Variants in HIPK2 observed in about 807,000 individuals in gnomAD.
HIPK2 encodes the protein homeodomain interacting protein kinase 2.
Under a neutral mutation model 113.7 loss-of-function variants are expected in HIPK2, and 27 were observed. That is an observed-to-expected ratio of 0.24 (90% CI 0.17 to 0.33). The LOEUF (loss-of-function observed/expected upper bound fraction) is 0.33. HIPK2 is among the 10% of genes least tolerant of loss of function. The pLI is 1.00. For synonymous variants in HIPK2, 631 were observed against 642.2 expected, an observed-to-expected ratio of 0.98 and a Z score of 0.26; for missense variants, 1,257 against 1,588.0, an observed-to-expected ratio of 0.79 and a Z score of 3.54.
intron 14 of HIPK2, among the ~76,000 whole-genome samples, chr7:139,573,959 T>C (rs928172077): frequency 1.3e-4 from 19 of 151,992 alleles, no homozygotes; most frequent in African/African-American, 4.4e-4. Context: ...GGAGAACATA[T>C]TTCTCCCAAG....
chr7:139,565,818 C>T lies in HIPK2; in HGVS notation c.*7109G>A, dbSNP rs1014169256. 4.6e-5 allele frequency: 7 copies of T among 151,318 alleles called. No individual in the cohort carries two copies. The highest frequency in any genetic ancestry group is 1.0e-4 in the Non-Finnish European group (7 of 67,938). The allele number at this position is 151,318 out of a possible 1,614,324, so 9.4% of individuals were successfully genotyped here. A position where few individuals can be genotyped will look rare whatever the true frequency, so the allele number is the denominator to read the frequency against. On this transcript the variant is annotated 3_prime_UTR_variant, in exon 15 of 15. Transcript: ENST00000406875. ...TGTGAACCCTGCCTCTGGTTCTGCC[C>T]AGAGCTGAAGAGTGAATCTATTACA...
rs549819176 is a variant in HIPK2 at position 139,587,255 on chromosome 7, C to G, written c.2718-3191G>C. ...CTGTAATCCCAGCACTTTGGGAGGC[C>G]GAGGTGGGTGGATCACCTGAGGTCA... On this transcript the variant is annotated intron_variant, in intron 12 of 14. Transcript: ENST00000406875. Among the ~76,000 whole-genome samples, 18 of 151,614 alleles carry G rather than the reference C, an allele frequency of 1.2e-4. No individual in the cohort carries two copies. In the South Asian group the frequency reaches 1.9e-3, roughly 16 times the overall value.
chr7:139,775,526 G>A (rs1033020690), intron 1 of HIPK2, among the ~76,000 whole-genome samples: 1 of 152,116 alleles, frequency 6.6e-6, no homozygotes, highest in African/African-American at 2.4e-5. Flanking sequence ...CGGAATAAAA[G>A]GGTGCACAGC....
At chr7:139,756,249 C>T (rs1569485125) in intron 1 of HIPK2, among the ~76,000 whole-genome samples, 2 of 152,218 alleles carry the variant, frequency 1.3e-5, no homozygotes, top group Non-Finnish European at 2.9e-5. Flanking sequence ...CACACACGAT[C>T]TGATTTAATT....
At chr7:139,576,267 T>TG (rs903720934) in intron 13 of HIPK2, among the ~76,000 whole-genome samples, 1 of 151,580 alleles carries the variant, frequency 6.6e-6, no homozygotes, top group African/African-American at 2.4e-5. Flanking sequence ...GGCTGAAGAG[T>TG]GGAAAAAACA....
At position 139,714,619 on chromosome 7, in the gene HIPK2, C is replaced by G. The variant is rs1795165624; in HGVS notation, c.1103+1313G>C. Among the ~76,000 whole-genome samples, 1 of 152,222 alleles carries G rather than the reference C, an allele frequency of 6.6e-6. No individual in the cohort carries two copies. The highest frequency in any genetic ancestry group is 6.5e-5 in the Admixed American group (1 of 15,292). Reference sequence around the variant, plus strand: ...CCTTGAAAGGCGCATGGAGAAAGCACACGGGCAAGCGAGCGTGCTTGCTTG... The same window carrying G: ...CCTTGAAAGGCGCATGGAGAAAGCAGACGGGCAAGCGAGCGTGCTTGCTTG... On this transcript the variant is annotated intron_variant, in intron 2 of 14. Coordinates refer to ENST00000406875, the MANE Select transcript of HIPK2 (RefSeq NM_022740.5). This position sits in a 1 kb window ranked among gnomAD's most constrained non-coding sequence, Gnocchi z 4.2.
In HIPK2 at chr7:139,626,836, C is replaced by G; in HGVS notation, c.1435-51G>C. 17 of 1,598,194 alleles carry G rather than the reference C, an allele frequency of 1.1e-5. No homozygotes were observed. In the South Asian group the frequency reaches 1.9e-4, roughly 18 times the overall value. ...CAAGGAAGACCCCAGCGTGCCTCCC[C>G]TCTCCTGGCTCCCCTTATTTTTTGC... On this transcript the variant is annotated intron_variant, in intron 5 of 14. Coordinates refer to ENST00000406875, the MANE Select transcript of HIPK2 (RefSeq NM_022740.5).
rs1247143439 is a variant in HIPK2 at position 139,570,523 on chromosome 7, T to A, written c.*2404A>T. 1 of 152,262 alleles carries A rather than the reference T, an allele frequency of 6.6e-6. No individual in the cohort carries two copies. Among genetic ancestry groups the A allele is most frequent in the Non-Finnish European group, 1.5e-5 (1 of 68,052 alleles). The allele number at this position is 152,262 out of a possible 1,614,324, so 9.4% of individuals were successfully genotyped here. A position where few individuals can be genotyped will look rare whatever the true frequency, so the allele number is the denominator to read the frequency against. ...CAGCATGGAGCAGTCATGGTGTCCT[T>A]CCTTCTCGCTGAGGCCTGGACTAAG... On this transcript the variant is annotated 3_prime_UTR_variant, in exon 15 of 15. Coordinates refer to ENST00000406875, the MANE Select transcript of HIPK2 (RefSeq NM_022740.5).
intron 1 of HIPK2, among the ~76,000 whole-genome samples, chr7:139,759,140 C>T (rs1194066263): frequency 1.3e-5 from 2 of 152,120 alleles, no homozygotes; most frequent in East Asian, 3.8e-4. Context: ...ATTCAAAACA[C>T]ACTCCACATA....
chr7:139,736,998 T>A (rs774419891), intron 1 of HIPK2, among the ~76,000 whole-genome samples: 5 of 152,192 alleles, frequency 3.3e-5, no homozygotes, highest in Non-Finnish European at 5.9e-5. Flanking sequence ...TCTTGCACCA[T>A]ACGGCTCTCA....
intron 13 of HIPK2, among the ~76,000 whole-genome samples, chr7:139,578,217 C>T (rs1225285010): frequency 1.3e-5 from 2 of 152,136 alleles, no homozygotes; most frequent in African/African-American, 4.8e-5. Context: ...ACCATATTGG[C>T]CAGGCTGGTC....
At chr7:139,730,190 C>T (rs1218699218) in intron 1 of HIPK2, among the ~76,000 whole-genome samples, 3 of 152,200 alleles carry the variant, frequency 2.0e-5, no homozygotes, top group South Asian at 2.1e-4. Context: ...TAAAATGATG[C>T]GTTTTACTAG....
Position 139,751,528 on chromosome 7 carries a change from T to C in HIPK2, c.19+26077A>G, listed in dbSNP as rs1348018421. 2.2e-5 allele frequency among the ~76,000 whole-genome samples: 3 copies of C among 139,194 alleles called. No individual in the cohort carries two copies. The East Asian group carries it at 6.3e-4, about 29-fold the overall frequency. The allele number at this position is 139,194 out of a possible 152,430, so 91.3% of individuals were successfully genotyped here. On this transcript the variant is annotated intron_variant, in intron 1 of 14. Transcript: ENST00000406875. ...GGGGAAGGTTCCCTTATTTGATGAA[T>C]GATTTGGAGGGAGGGAGGGAGGGAG...
chr7:139,745,962 T>C (rs1350524922), intron 1 of HIPK2, among the ~76,000 whole-genome samples: 2 of 151,950 alleles, frequency 1.3e-5, no homozygotes, highest in East Asian at 1.9e-4. Flanking sequence ...CTCGTGTAAA[T>C]AGGTGACAGA....
chr7:139,733,430 C>G (rs1358338816), intron 1 of HIPK2, among the ~76,000 whole-genome samples: 1 of 152,192 alleles, frequency 6.6e-6, no homozygotes, highest in African/African-American at 2.4e-5. Flanking sequence ...TATCCTTGGT[C>G]ATAACTGAGA....
In HIPK2 at chr7:139,561,736, T is replaced by C. The variant is rs1435392221; in HGVS notation, c.*11191A>G. On this transcript the variant is annotated 3_prime_UTR_variant, in exon 15 of 15. Coordinates refer to ENST00000406875, the MANE Select transcript of HIPK2 (RefSeq NM_022740.5). ...AAACTATGAGTAACAAGCTATAACA[T>C]AGTTCACCACAATGGGACCCCCCCC... is the stretch of plus-strand genomic sequence containing the variant. The C allele has an allele frequency of 2.0e-5, 3 of 149,188 alleles. No homozygotes were observed. The highest frequency in any genetic ancestry group is 3.0e-5 in the Non-Finnish European group (2 of 67,644). 9.2% of individuals were successfully genotyped at this position (149,188 alleles called of 1,614,324 possible). A position where few individuals can be genotyped will look rare whatever the true frequency, so the allele number is the denominator to read the frequency against.
At chr7:139,645,132 C>T (rs1801162515) in intron 2 of HIPK2, among the ~76,000 whole-genome samples, 1 of 152,254 alleles carries the variant, frequency 6.6e-6, no homozygotes, top group Non-Finnish European at 1.5e-5. Context: ...AGTGCCTCCA[C>T]TGGAGAAGCC....
intron 1 of HIPK2, among the ~76,000 whole-genome samples, chr7:139,763,452 G>A (rs1223959173): frequency 2.0e-5 from 3 of 147,936 alleles, no homozygotes; most frequent in Non-Finnish European, 4.4e-5. Context: ...GCTTTTAGGA[G>A]TAAGATTTTG....
At chr7:139,579,058 C>G (rs1798582908) in intron 13 of HIPK2, among the ~76,000 whole-genome samples, 1 of 152,146 alleles carries the variant, frequency 6.6e-6, no homozygotes, top group Admixed American at 6.6e-5. Flanking sequence ...CGTAAGGAAG[C>G]CCTAGGAGAG....
Sources: gnomAD v4.1 joint callset for allele counts (sites outside exome capture counted in the v4.1 genomes callset) on GRCh38, gnomAD v4.1.1 for gene constraint, Gnocchi (gnomAD v3.1) non-coding constraint, MANE v1.5 for transcripts, NCBI Gene and HGNC (gene_info 2026-07-23, HGNC 2026-07-21) for gene names.